The following FTO variants were observed in gnomAD, a reference collection of about 807,000 sequenced individuals.
FTO encodes alpha-ketoglutarate-dependent dioxygenase FTO.
A neutral mutation model predicts 63.9 loss-of-function variants in FTO; 47 were observed. The ratio of observed to expected loss-of-function variants is 0.74; its 90% CI spans 0.58 to 0.94. FTO has a LOEUF of 0.94. Among genes scored for constraint, FTO ranks in the 40% least tolerant of loss-of-function variants. The pLI is 0.00. For missense variants in FTO, 562 were observed against 618.1 expected, an observed-to-expected ratio of 0.91 and a Z score of 0.96; for synonymous variants, 207 against 224.4, an observed-to-expected ratio of 0.92 and a Z score of 0.69.
intron 1 of FTO, among the ~76,000 whole-genome samples, chr16:53,715,794 C>T (rs551687414): frequency 6.6e-6 from 1 of 152,246 alleles, no homozygotes; most frequent in East Asian, 1.9e-4. Flanking sequence ...TGTATATAGA[C>T]TCAGGTGCCC....
chr16:53,922,533 C>T (rs565645866), intron 7 of FTO, among the ~76,000 whole-genome samples: 6 of 152,280 alleles, frequency 3.9e-5, no homozygotes, highest in Non-Finnish European at 7.4e-5. Flanking sequence ...CCTCCCAATA[C>T]GTGTCAGAAC....
chr16:53,953,322 T>C (rs1027660543), intron 8 of FTO, among the ~76,000 whole-genome samples: 4 of 152,242 alleles, frequency 2.6e-5, no homozygotes, highest in African/African-American at 9.6e-5. Flanking sequence ...TATCTTTTAT[T>C]GTCTGGCCCC....
intron 7 of FTO, among the ~76,000 whole-genome samples, chr16:53,903,857 T>C (rs986310680): frequency 5.9e-5 from 9 of 152,146 alleles, no homozygotes; most frequent in African/African-American, 1.9e-4. Flanking sequence ...TTAAGAGAGA[T>C]GGTCAAATGC....
intron 8 of FTO, among the ~76,000 whole-genome samples, chr16:53,978,815 G>C (rs2083480533): frequency 6.6e-6 from 1 of 152,208 alleles, no homozygotes; most frequent in Admixed American, 6.5e-5. Flanking sequence ...TGGCCAACAT[G>C]GTGAAACCCC....
At position 53,888,949 on chromosome 16, in the gene FTO, G is replaced by A. The variant is rs2081078996; in HGVS notation, c.1237G>A (p.Val413Met). ...AGCACTGTGGAAGAAGATGGAGGGTGTGGTAAGTCCATCAGACCTGGGACC... is the reference window on the plus strand; with the variant it reads ...AGCACTGTGGAAGAAGATGGAGGGTATGGTAAGTCCATCAGACCTGGGACC... ...LEALWKKMEGVTNAVLHEVKR... is the reference protein window; with the variant it reads ...LEALWKKMEGMTNAVLHEVKR... Residue 413 changes from valine (V) to methionine (M), a missense_variant and splice_region_variant, in exon 7 of 9, where the codon GTG (valine) becomes ATG (methionine). By Grantham distance (21) the Val-to-Met change is conservative (BLOSUM62 1). Transcript: ENST00000471389. 2.5e-6 allele frequency: 4 copies of A among 1,613,904 alleles called. No individual in the cohort carries two copies. The highest frequency in any genetic ancestry group is 1.6e-4 in the Middle Eastern group (1 of 6,082).
At chr16:53,910,004 A>G (rs765283232) in intron 7 of FTO, among the ~76,000 whole-genome samples, 10 of 152,206 alleles carry the variant, frequency 6.6e-5, no homozygotes, top group Non-Finnish European at 8.8e-5. Flanking sequence ...CAGCCTCCCA[A>G]ATAGCTGGAA....
At chr16:53,997,467 C>T (rs568908150) in intron 8 of FTO, among the ~76,000 whole-genome samples, 2 of 149,064 alleles carry the variant, frequency 1.3e-5, no homozygotes, top group Non-Finnish European at 2.9e-5. Flanking sequence ...GGCTGGGGAA[C>T]AGGAGAAATC....
chr16:54,107,960 C>T (rs1458866738), intron 8 of FTO, among the ~76,000 whole-genome samples: 1 of 152,174 alleles, frequency 6.6e-6, no homozygotes, highest in Non-Finnish European at 1.5e-5. Context: ...TCTTAAACCA[C>T]TCCCTGTGGC....
chr16:53,740,399 A>G (rs1040360921), intron 1 of FTO, among the ~76,000 whole-genome samples: 5 of 152,240 alleles, frequency 3.3e-5, no homozygotes, highest in African/African-American at 7.2e-5. Context: ...TCTAACTTGT[A>G]TCTTCATGTT....
At chr16:53,729,571 G>A (rs1598506291) in intron 1 of FTO, among the ~76,000 whole-genome samples, 1 of 151,990 alleles carries the variant, frequency 6.6e-6, no homozygotes. Context: ...TTTGCCACTG[G>A]CTGCATGTTA....
chr16:53,993,513 A>G (rs1399712750), intron 8 of FTO: 2 of 152,252 alleles, frequency 1.3e-5, no homozygotes, highest in Admixed American at 1.3e-4. Context: ...GACCGTGAAT[A>G]TGAAATACAG....
intron 1 of FTO, among the ~76,000 whole-genome samples, chr16:53,745,039 T>G (rs1237927109): frequency 3.3e-5 from 5 of 152,230 alleles, no homozygotes; most frequent in Admixed American, 3.3e-4. Context: ...TAACTGATTT[T>G]CAACATAAGA....
chr16:53,954,574 C>T (rs1567470236), intron 8 of FTO, among the ~76,000 whole-genome samples: 2 of 152,078 alleles, frequency 1.3e-5, no homozygotes, highest in African/African-American at 4.8e-5. Context: ...AGGTGCAGAA[C>T]TCTGGGTGCA....
rs527745345 is a variant in FTO, at chr16:54,060,129, C to T, written c.1365-51633C>T. 3.3e-5 allele frequency among the ~76,000 whole-genome samples: 5 copies of T among 152,224 alleles called. No individual in the cohort carries two copies. In the South Asian group the frequency reaches 6.2e-4, roughly 19 times the overall value. On this transcript the variant is annotated intron_variant, in intron 8 of 8. Transcript: ENST00000471389. ...CCTTACTTCTCTTCCAACTTGATAA[C>T]GTGACCATTTCATATGCCTTGAGAA...
intron 8 of FTO, chr16:54,039,488 T>C (rs1180095075): frequency 1.3e-5 from 2 of 152,262 alleles, no homozygotes; most frequent in Non-Finnish European, 2.9e-5. Context: ...ATAGGGCCCA[T>C]GTGGCCCATT....
chr16:53,744,389 C>T (rs1034550643), intron 1 of FTO, among the ~76,000 whole-genome samples: 2 of 152,198 alleles, frequency 1.3e-5, no homozygotes, highest in Non-Finnish European at 2.9e-5. Flanking sequence ...TAAATCGGCT[C>T]ATGCTAGGTT....
chr16:54,071,424 T>C (rs62034115), intron 8 of FTO: 10,013 of 152,342 alleles, frequency 0.066, 483 homozygotes, highest in African/African-American at 0.13. Flanking sequence ...GGTCAAGAAG[T>C]AGACTGTTTT....
intron 2 of FTO, among the ~76,000 whole-genome samples, chr16:53,819,427 C>A (rs2078790724): frequency 6.6e-6 from 1 of 152,206 alleles, no homozygotes; most frequent in African/African-American, 2.4e-5. Flanking sequence ...CCGCCTGAGT[C>A]TCCCAAAGTG....
chr16:53,712,793 G>C (rs1159264459), intron 1 of FTO, among the ~76,000 whole-genome samples: 1 of 152,120 alleles, frequency 6.6e-6, no homozygotes, highest in African/African-American at 2.4e-5. Flanking sequence ...AAGATTAAAT[G>C]GTTGAGAGAG....
Sources: gnomAD v4.1 joint callset for allele counts (sites outside exome capture counted in the v4.1 genomes callset) on GRCh38, gnomAD v4.1.1 for gene constraint, MANE v1.5 for transcripts, NCBI Gene and HGNC (gene_info 2026-07-23, HGNC 2026-07-21) for gene names.